Variants in NFASC observed in about 807,000 individuals in gnomAD.
The protein encoded by NFASC is neurofascin homolog.
A neutral mutation model predicts 147.5 loss-of-function variants in NFASC; 43 were observed. The observed-to-expected ratio is 0.29, with a 90% CI of 0.23 to 0.38. The LOEUF (loss-of-function observed/expected upper bound fraction) is 0.38, where lower values mean the gene tolerates loss of function less well. NFASC is among the 10% of genes least tolerant of loss of function. The pLI is 1.00. For missense variants in NFASC, 1,320 were observed against 1,689.0 expected, an observed-to-expected ratio of 0.78 and a Z score of 3.83; for synonymous variants, 622 against 665.5, an observed-to-expected ratio of 0.93 and a Z score of 1.01.
intron 1 of NFASC, chr1:204,870,674 C>T: frequency 9.3e-7 from 1 of 1,078,714 alleles, no homozygotes; most frequent in Non-Finnish European, 1.1e-6. Flanking sequence ...CAGCGGTGAG[C>T]GAGTGAGCAA....
chr1:204,911,512 C>T (rs887965482), intron 1 of NFASC, among the ~76,000 whole-genome samples: 1 of 152,152 alleles, frequency 6.6e-6, no homozygotes, highest in African/African-American at 2.4e-5. Flanking sequence ...ACCACCTCAC[C>T]TGGTCTGTTA....
At chr1:204,850,324 C>T (rs1283369020) in intron 1 of NFASC, among the ~76,000 whole-genome samples, 3 of 152,160 alleles carry the variant, frequency 2.0e-5, no homozygotes, top group Non-Finnish European at 4.4e-5. Flanking sequence ...TGTTTTCTTC[C>T]TTAATATGGA....
In NFASC at chr1:204,989,613, C is replaced by G. The variant is rs1477880419; in HGVS notation, c.2767+807C>G. The G allele has an allele frequency of 3.3e-5, 5 of 152,194 alleles. No homozygotes were observed. The East Asian group carries it at 9.6e-4, about 29-fold the overall frequency. The allele number at this position is 152,194 out of a possible 1,614,324, so 9.4% of individuals were successfully genotyped here. A position where few individuals can be genotyped will look rare whatever the true frequency, so the allele number is the denominator to read the frequency against. On this transcript the variant is annotated intron_variant, in intron 23 of 29. Transcript: ENST00000339876. Reference sequence around the variant, plus strand: ...CACCCTCTGGGAAAGGCTGGGGACCCCCGTGTGTCTCCAGAGATACAATGG... The same window carrying G: ...CACCCTCTGGGAAAGGCTGGGGACCGCCGTGTGTCTCCAGAGATACAATGG...
intron 1 of NFASC, among the ~76,000 whole-genome samples, chr1:204,849,621 C>G (rs1027482750): frequency 2.2e-4 from 33 of 152,314 alleles, no homozygotes; most frequent in African/African-American, 7.7e-4. Flanking sequence ...AGGGAAAGAA[C>G]TCAGTAGGAA....
At chr1:204,924,274 A>T (rs542727741) in intron 2 of NFASC, among the ~76,000 whole-genome samples, 2 of 152,228 alleles carry the variant, frequency 1.3e-5, no homozygotes, top group South Asian at 2.1e-4. Context: ...TCTGTATGGG[A>T]TGTAAATGCA....
chr1:204,996,863 G>A (rs898233265), intron 24 of NFASC, among the ~76,000 whole-genome samples: 3 of 152,280 alleles, frequency 2.0e-5, no homozygotes, highest in South Asian at 4.1e-4. Context: ...GGGTCTGAGC[G>A]ATTCAGCCCG....
intron 3 of NFASC, among the ~76,000 whole-genome samples, chr1:204,949,421 C>T (rs1369746610): frequency 1.3e-5 from 2 of 152,240 alleles, no homozygotes; most frequent in South Asian, 2.1e-4. Flanking sequence ...CAGCTCGCAG[C>T]TCCCCACAAG....
intron 23 of NFASC, chr1:204,989,121 G>T: frequency 2.6e-6 from 1 of 383,564 alleles, no homozygotes; most frequent in Non-Finnish European, 4.8e-6. Context: ...AGAAATGAGA[G>T]AAATCATAAT....
At chr1:204,888,215 C>T (rs1247924720) in intron 1 of NFASC, among the ~76,000 whole-genome samples, 1 of 152,178 alleles carries the variant, frequency 6.6e-6, no homozygotes. Context: ...CCAAATCTAG[C>T]CAACCCCAAA....
chr1:204,944,249 G>A lies in NFASC; in HGVS notation c.-67G>A. The A allele has an allele frequency of 6.3e-7, 1 of 1,585,846 alleles. No homozygotes were observed. The highest frequency in any genetic ancestry group is 8.6e-7 in the Non-Finnish European group (1 of 1,166,706). On this transcript the variant is annotated 5_prime_UTR_variant, in exon 3 of 30. Coordinates refer to ENST00000339876, the MANE Select transcript of NFASC (RefSeq NM_001005388.3). ...AGCTGAGTGCTGTCCAGGAGGCCCA[G>A]TTAAAGCGGCTCGAGGTGACAAGAC...
rs2095489785 is a variant in NFASC at position 204,980,453 on chromosome 1, C to G, written c.2247+13C>G. The G allele has an allele frequency of 3.1e-6, 5 of 1,603,474 alleles. No individual in the cohort carries two copies. Among genetic ancestry groups the G allele is most frequent in the Non-Finnish European group, 4.3e-6 (5 of 1,172,484 alleles). ...GATCACGTGGACGGTAAGAGGCCCT[C>G]CCAGCCCCAGTGGAGCAGCTCACCT... On this transcript the variant is annotated intron_variant, in intron 20 of 29. Coordinates refer to ENST00000339876, the MANE Select transcript of NFASC (RefSeq NM_001005388.3).
chr1:204,998,982 C>T (rs1206487111), intron 25 of NFASC: 1 of 152,246 alleles, frequency 6.6e-6, no homozygotes, highest in Non-Finnish European at 1.5e-5. Context: ...CCTCACCTCA[C>T]TTCAGCAGAA....
At chr1:204,901,443 A>C (rs1391216439) in intron 1 of NFASC, among the ~76,000 whole-genome samples, 2 of 152,124 alleles carry the variant, frequency 1.3e-5, no homozygotes, top group East Asian at 3.9e-4. Context: ...TGTTTCAAGG[A>C]GGATGGAGTG....
chr1:205,001,412 T>G (rs2095982565), intron 26 of NFASC, 126 bp downstream of exon 26: 2 of 657,696 alleles, frequency 3.0e-6, no homozygotes, highest in South Asian at 3.4e-5. Flanking sequence ...TAGCCTGGCT[T>G]AATTATGGCT....
rs148583811 is a variant in NFASC, at chr1:205,009,634, C to T, written c.3367C>T (p.Leu1123=). Residue 1123 remains leucine, a synonymous_variant, in exon 28 of 30, where the codon CTG becomes TTG. Transcript: ENST00000339876. ...GLMCAIALLV[L]ILLIVCFIKR... ...TATGTGCGCCATCGCCCTCCTGGTG[C>T]TGATCCTGCTCATCGTCTGTTTCAT... 31 of 1,614,050 alleles carry T rather than the reference C, an allele frequency of 1.9e-5. No homozygotes were observed. Among genetic ancestry groups the T allele is most frequent in the Non-Finnish European group, 2.6e-5 (31 of 1,180,026 alleles).
rs796875779 is a variant in NFASC, at chr1:204,843,626, TCCTCCCTC to T, written c.-200+14868_-200+14875del. On this transcript the variant is annotated intron_variant, in intron 1 of 29. Coordinates refer to ENST00000339876, the MANE Select transcript of NFASC (RefSeq NM_001005388.3). ...TTCCTTCCTTCCTTCCTTCCTTCCT[TCCTCCCTC>T]CCTCCCTCCCTCCCTCCCTCCCTTC... 4.1e-3 allele frequency among the ~76,000 whole-genome samples: 324 copies of T among 78,096 alleles called. 4 individuals carry two copies. Among genetic ancestry groups the T allele is most frequent in the East Asian group, 0.031 (55 of 1,752 alleles). The allele number at this position is 78,096 out of a possible 152,430, so 51.2% of individuals were successfully genotyped here. A position where few individuals can be genotyped will look rare whatever the true frequency, so the allele number is the denominator to read the frequency against.
At chr1:204,931,851 G>A (rs563880224) in intron 2 of NFASC, among the ~76,000 whole-genome samples, 22 of 152,048 alleles carry the variant, frequency 1.4e-4, no homozygotes, top group South Asian at 2.1e-4. Context: ...TCTACTACCG[G>A]TCAGTCATCA....
At chr1:205,007,937 C>T (rs949844812) in intron 27 of NFASC, among the ~76,000 whole-genome samples, 2 of 152,114 alleles carry the variant, frequency 1.3e-5, no homozygotes, top group African/African-American at 2.4e-5. Flanking sequence ...GACACTGTGG[C>T]GGGGGCCTGC....
intron 1 of NFASC, among the ~76,000 whole-genome samples, chr1:204,874,873 G>A (rs1207934696): frequency 6.6e-6 from 1 of 152,150 alleles, no homozygotes. Flanking sequence ...GGGGTGGGTG[G>A]TGGGGGCAGG....
Sources: allele counts gnomAD v4.1 joint callset (sites outside exome capture counted in the v4.1 genomes callset), GRCh38; gene constraint gnomAD v4.1.1; transcripts MANE v1.5; gene names NCBI Gene and HGNC (gene_info 2026-07-23, HGNC 2026-07-21).